The following INIP variants were observed in gnomAD, a reference collection of about 807,000 sequenced individuals.
INIP encodes SOSS complex subunit C.
In INIP, 9 loss-of-function variants were observed where a neutral mutation model predicts 14.0. That is an observed-to-expected ratio of 0.64 (90% confidence interval 0.39 to 1.12). INIP has a LOEUF of 1.12. Ranked by LOEUF, INIP falls within the 50% of genes most tolerant of loss-of-function variation. INIP has a pLI of 0.01. For synonymous variants in INIP, 37 were observed against 41.5 expected, an observed-to-expected ratio of 0.89 and a Z score of 0.41; for missense variants, 78 against 122.7, an observed-to-expected ratio of 0.64 and a Z score of 1.72.
chr9:112,688,775 C>T (rs1305998983), intron 4 of INIP, among the ~76,000 whole-genome samples: 1 of 151,948 alleles, frequency 6.6e-6, no homozygotes, highest in Non-Finnish European at 1.5e-5. Flanking sequence ...CCCAGGAGTT[C>T]GAGGTTACAG....
At chr9:112,694,555 T>A (rs988741691) in intron 2 of INIP, among the ~76,000 whole-genome samples, 1 of 152,226 alleles carries the variant, frequency 6.6e-6, no homozygotes, top group African/African-American at 2.4e-5. Context: ...CAGCATTTGT[T>A]TTTTAACAAA....
At chr9:112,690,006 T>C (rs1711747) in intron 3 of INIP, among the ~76,000 whole-genome samples, 14,870 of 151,442 alleles carry the variant, frequency 0.098, 885 homozygotes, top group African/African-American at 0.16. Flanking sequence ...TTTATAGGGG[T>C]AAAAAAAAAC....
intron 2 of INIP, among the ~76,000 whole-genome samples, chr9:112,709,066 T>C (rs786961): frequency 0.057 from 8,711 of 152,074 alleles, 340 homozygotes; most frequent in Non-Finnish European, 0.088. Flanking sequence ...TCACATTCTC[T>C]TTCACCTAGA....
intron 2 of INIP, among the ~76,000 whole-genome samples, chr9:112,713,597 G>T (rs911115199): frequency 3.9e-5 from 6 of 152,172 alleles, no homozygotes; most frequent in African/African-American, 1.2e-4. Context: ...GAAGGTAGAG[G>T]TGGGAGGATC....
chr9:112,713,689 C>CT (rs1838716293), intron 2 of INIP, among the ~76,000 whole-genome samples: 1 of 150,606 alleles, frequency 6.6e-6, no homozygotes, highest in Middle Eastern at 3.5e-3. Flanking sequence ...GACCCTGTCT[C>CT]TTAAAAAAAA....
At chr9:112,707,915 A>T (rs1398623955) in intron 2 of INIP, among the ~76,000 whole-genome samples, 1 of 152,184 alleles carries the variant, frequency 6.6e-6, no homozygotes, top group Non-Finnish European at 1.5e-5. Context: ...TATTGATTCA[A>T]CAAATATTTA....
intron 2 of INIP, among the ~76,000 whole-genome samples, chr9:112,709,333 G>C (rs1278031836): frequency 6.6e-6 from 1 of 152,084 alleles, no homozygotes; most frequent in Admixed American, 6.6e-5. Context: ...TTTCCTATCA[G>C]ATCTATCATC....
At chr9:112,692,181 C>T (rs2676623) in intron 3 of INIP, among the ~76,000 whole-genome samples, 61,829 of 151,952 alleles carry the variant, frequency 0.41, 12,736 homozygotes, top group Admixed American at 0.44. Context: ...CAGACTGCAG[C>T]GGGTTGAGGC....
chr9:112,692,742 A>G (rs561903237), intron 3 of INIP, among the ~76,000 whole-genome samples: 1 of 152,090 alleles, frequency 6.6e-6, no homozygotes, highest in Admixed American at 6.5e-5. Context: ...CTCAAAAAAA[A>G]AAAAAGGCTA....
At chr9:112,694,060 G>T (rs1837990449) in intron 3 of INIP, 71 bp downstream of exon 3, 1 of 1,006,700 alleles carries the variant, frequency 9.9e-7, no homozygotes, top group East Asian at 2.5e-5. Flanking sequence ...GGGGGACAGG[G>T]CGAGACTCCG....
chr9:112,712,884 A>G (rs1377706596), intron 2 of INIP, among the ~76,000 whole-genome samples: 2 of 152,238 alleles, frequency 1.3e-5, no homozygotes, highest in Non-Finnish European at 2.9e-5. Context: ...AAGCTCAACA[A>G]ACCCCAAACA....
At chr9:112,712,774 GA>G (rs1397198705) in intron 2 of INIP, among the ~76,000 whole-genome samples, 3 of 152,024 alleles carry the variant, frequency 2.0e-5, no homozygotes, top group South Asian at 2.1e-4. Flanking sequence ...GAAAAACACA[GA>G]AAAAAATATT....
At chr9:112,693,369 T>G (rs575470601) in intron 3 of INIP, among the ~76,000 whole-genome samples, 49 of 152,310 alleles carry the variant, frequency 3.2e-4, no homozygotes, top group Non-Finnish European at 5.1e-4. Flanking sequence ...ACTCTTAGCC[T>G]AGGGACAGCA....
intron 4 of INIP, among the ~76,000 whole-genome samples, chr9:112,687,943 A>G (rs786973): frequency 0.12 from 17,967 of 151,970 alleles, 1,357 homozygotes; most frequent in African/African-American, 0.2. Flanking sequence ...AAAGTTAGCC[A>G]GGCGTGGTGG....
intron 1 of INIP, 57 bp downstream of exon 1, chr9:112,717,930 G>A (rs1588093703): frequency 6.5e-6 from 1 of 152,796 alleles, no homozygotes; most frequent in Non-Finnish European, 1.5e-5. Context: ...GCGGCGACAG[G>A]TTAGCACCGG....
rs112741889 is a variant in INIP, at chr9:112,694,264, G to GAGAA, written c.26-35_26-32dup. 5,496 of 1,266,170 alleles carry GAGAA rather than the reference G, an allele frequency of 4.3e-3. 152 individuals carry two copies. The African/African-American group carries it at 0.062, about 14-fold the overall frequency. 78.4% of individuals were successfully genotyped at this position (1,266,170 alleles called of 1,614,324 possible). A position where few individuals can be genotyped will look rare whatever the true frequency, so the allele number is the denominator to read the frequency against. The stretch of plus-strand genomic sequence containing the variant: ...AAAAAGAGGGGAATAGGAGAAAAGG[G>GAGAA]AGAAAGAGAGAGTAATCAGAAACAT... On this transcript the variant is annotated intron_variant, in intron 2 of 4. Transcript: ENST00000374242.
At chr9:112,697,780 A>C (rs985389038) in intron 2 of INIP, among the ~76,000 whole-genome samples, 1 of 152,224 alleles carries the variant, frequency 6.6e-6, no homozygotes, top group Non-Finnish European at 1.5e-5. Flanking sequence ...TTCTGAAAGG[A>C]AAGTAAGAAG....
At chr9:112,704,977 G>A (rs1838411250) in intron 2 of INIP, among the ~76,000 whole-genome samples, 1 of 151,908 alleles carries the variant, frequency 6.6e-6, no homozygotes, top group African/African-American at 2.4e-5. Context: ...TGGATGTGGT[G>A]GTGCACACTT....
Position 112,706,468 on chromosome 9 carries a change from C to T in INIP, c.25+9993G>A, listed in dbSNP as rs1176308875. 3.3e-5 allele frequency among the ~76,000 whole-genome samples: 5 copies of T among 151,294 alleles called. No homozygotes were observed. In the East Asian group the frequency reaches 9.8e-4, roughly 30 times the overall value. ...AGGGCCTCACTATGTTGCCCAGGCTCATCTTAAACTCCTGGCTTCAAGCAA... is the reference window on the plus strand; with the variant it reads ...AGGGCCTCACTATGTTGCCCAGGCTTATCTTAAACTCCTGGCTTCAAGCAA... On this transcript the variant is annotated intron_variant, in intron 2 of 4. Coordinates refer to ENST00000374242, the MANE Select transcript of INIP (RefSeq NM_021218.3).
Sources: gnomAD v4.1 joint callset for allele counts (sites outside exome capture counted in the v4.1 genomes callset) on GRCh38, gnomAD v4.1.1 for gene constraint, MANE v1.5 for transcripts, NCBI Gene and HGNC (gene_info 2026-07-23, HGNC 2026-07-21) for gene names.